Variants in STS observed in about 807,000 individuals in gnomAD.
STS encodes steroid sulfatase.
STS carries 7 observed loss-of-function variants against 26.8 expected under a neutral mutation model. That is an observed-to-expected ratio of 0.26 (90% CI 0.15 to 0.49). The LOEUF is 0.49. STS is among the 20% of genes least tolerant of loss of function. STS has a pLI of 0.98. For synonymous variants in STS, 199 were observed against 189.4 expected (o/e 1.05, Z -0.42); for missense variants, 434 against 465.6 (o/e 0.93, Z 0.63).
chrX:7,175,933 C>G (rs768197865), intron 1 of STS, among the ~76,000 whole-genome samples: 5 of 111,291 alleles, frequency 4.5e-5, no homozygotes, highest in African/African-American at 1.6e-4. Context: ...ATCCTTAGGA[C>G]TTTAACAATA....
intron 2 of STS, among the ~76,000 whole-genome samples, chrX:7,209,462 ATATT>A (rs1349862064): frequency 3.8e-5 from 4 of 105,684 alleles, no homozygotes; most frequent in Admixed American, 1.0e-4. Flanking sequence ...TTTTAAATAA[ATATT>A]TATTTAAATA....
At position 7,318,763 on chromosome X, in the gene STS, C is replaced by T. The variant is rs184136310; in HGVS notation, c.1082-6576C>T. 1.9e-4 allele frequency among the ~76,000 whole-genome samples: 21 copies of T among 110,909 alleles called. No individual in the cohort carries two copies. In the East Asian group the frequency reaches 5.7e-3, roughly 30 times the overall value. Reference sequence around the variant, plus strand: ...TACCATTCAGGTGGTCAGTAGGTGGCTAGATCTAGGGGCTACAGGCACAGC... The same window carrying T: ...TACCATTCAGGTGGTCAGTAGGTGGTTAGATCTAGGGGCTACAGGCACAGC... On this transcript the variant is annotated intron_variant, in intron 8 of 10. Coordinates refer to ENST00000674429, the MANE Select transcript of STS (RefSeq NM_001320752.2).
Position 7,231,834 on chromosome X carries a change from C to CTTT in STS, c.-4-21347_-4-21345dup, listed in dbSNP as rs35306364. On this transcript the variant is annotated intron_variant, in intron 2 of 10. Transcript: ENST00000674429. ...TTTCATACTCTCTCTAATAAATCTG[C>CTTT]TTTTTTTTTTTTTTTTTCTTAACCT... Among the ~76,000 whole-genome samples, 5 of 87,121 alleles carry CTTT rather than the reference C, an allele frequency of 5.7e-5. 1 individual carries two copies. Among genetic ancestry groups the CTTT allele is most frequent in the East Asian group, 3.6e-4 (1 of 2,798 alleles). 75.7% of individuals were successfully genotyped at this position (87,121 alleles called of 115,157 possible).
intron 1 of STS, among the ~76,000 whole-genome samples, chrX:7,152,565 C>T (rs756487281): frequency 3.6e-5 from 4 of 112,475 alleles, no homozygotes; most frequent in Admixed American, 9.4e-5. Flanking sequence ...GTAATCCGCC[C>T]GCCTTGGCCT....
rs146765550 is a variant in STS, at chrX:7,334,461, C to T, written c.1363+354C>T. ...TTCACTTCCTAGCACTCCTCTCACA[C>T]TGAAGAAAGCAGCCCCTGTGCTCTG... On this transcript the variant is annotated intron_variant, in intron 10 of 10. Coordinates refer to ENST00000674429, the MANE Select transcript of STS (RefSeq NM_001320752.2). Among the ~76,000 whole-genome samples the T allele has an allele frequency of 3.6e-5, 4 of 111,846 alleles. No homozygotes were observed. The Admixed American group carries it at 3.8e-4, about 11-fold the overall frequency.
chrX:7,276,402 T>C (rs1924539966), intron 7 of STS, among the ~76,000 whole-genome samples: 1 of 110,346 alleles, frequency 9.1e-6, no homozygotes, highest in Non-Finnish European at 1.9e-5. Context: ...ACCCAGGAGG[T>C]TGAGGCTGCA....
intron 2 of STS, among the ~76,000 whole-genome samples, chrX:7,227,707 G>C (rs770888939): frequency 4.9e-4 from 55 of 111,491 alleles, no homozygotes; most frequent in Non-Finnish European, 9.8e-4. Context: ...TTTAAAAAAT[G>C]TTTTTATTTG....
At chrX:7,243,994 G>A (rs1440214934) in intron 2 of STS, among the ~76,000 whole-genome samples, 1 of 111,035 alleles carries the variant, frequency 9.0e-6, no homozygotes, top group Non-Finnish European at 1.9e-5. Flanking sequence ...GCTTGAACCC[G>A]GGCGGCAGAG....
At chrX:7,160,912 C>G (rs1410188514) in intron 1 of STS, among the ~76,000 whole-genome samples, 1 of 111,770 alleles carries the variant, frequency 8.9e-6, no homozygotes, top group African/African-American at 3.2e-5. Flanking sequence ...ACGTAGATCT[C>G]TCAGTTTATC....
intron 7 of STS, among the ~76,000 whole-genome samples, chrX:7,301,114 T>G (rs765931037): frequency 9.0e-6 from 1 of 110,528 alleles, no homozygotes; most frequent in Non-Finnish European, 1.9e-5. Context: ...GAGTCAAAAC[T>G]GCATTTGAAA....
chrX:7,271,785 TA>T (rs1184216026), intron 6 of STS, among the ~76,000 whole-genome samples: 223 of 94,281 alleles, frequency 2.4e-3, no homozygotes, highest in East Asian at 4.2e-3. Context: ...CATATTCTTG[TA>T]AAAAAAAAAA....
chrX:7,292,108 C>T lies in STS; in HGVS notation c.944-12938C>T, dbSNP rs1222796809. ...ATTTTGTTTTGTTTACACAACTTGA[C>T]ATTTTGGTTTTGCGTAGTGCTGCCT... On this transcript the variant is annotated intron_variant, in intron 7 of 10. Coordinates refer to ENST00000674429, the MANE Select transcript of STS (RefSeq NM_001320752.2). Among the ~76,000 whole-genome samples the T allele has an allele frequency of 2.7e-5, 3 of 112,742 alleles. No homozygotes were observed. In the Admixed American group the frequency reaches 2.8e-4, roughly 11 times the overall value.
intron 10 of STS, among the ~76,000 whole-genome samples, chrX:7,336,240 C>CT (rs149079508): frequency 5.6e-5 from 1 of 17,715 alleles, no homozygotes; most frequent in Non-Finnish European, 1.7e-4. Flanking sequence ...CCTAGGACTG[C>CT]CCCCCCCACC....
At chrX:7,246,574 G>T (rs1182825747) in intron 2 of STS, among the ~76,000 whole-genome samples, 1 of 111,393 alleles carries the variant, frequency 9.0e-6, no homozygotes, top group Non-Finnish European at 1.9e-5. Flanking sequence ...CCAAAGTGCT[G>T]GGATTACAGG....
chrX:7,341,454 T>TGG (rs1928277203), intron 10 of STS, among the ~76,000 whole-genome samples: 1 of 111,669 alleles, frequency 9.0e-6, no homozygotes, highest in Non-Finnish European at 1.9e-5. Context: ...TGTTCTTTCC[T>TGG]GGGGGCCAAA....
In STS at chrX:7,289,328, G is replaced by A. The variant is rs1241586983; in HGVS notation, c.943+13241G>A. Among the ~76,000 whole-genome samples the A allele has an allele frequency of 2.7e-5, 3 of 111,659 alleles. No homozygotes were observed. In the Admixed American group the frequency reaches 2.9e-4, roughly 11 times the overall value. On this transcript the variant is annotated intron_variant, in intron 7 of 10. Transcript: ENST00000674429. ...CAGGCAGGGGCAAGGTTAGGGCTGG[G>A]AAAGTAGTTTGCACACAGGGGAGGG... is the stretch of plus-strand genomic sequence containing the variant.
intron 6 of STS, among the ~76,000 whole-genome samples, chrX:7,263,012 A>G (rs1189552313): frequency 2.7e-5 from 3 of 112,408 alleles, no homozygotes; most frequent in African/African-American, 9.7e-5. Context: ...TGGACCACGT[A>G]TATGACAGAA....
At position 7,219,573 on chromosome X, in the gene STS, A is replaced by T. The variant is rs968569884; in HGVS notation, c.-5+28565A>T. 2.6e-4 allele frequency: 312 copies of T among 1,207,417 alleles called. 2 individuals carry two copies. The highest frequency in any genetic ancestry group is 3.4e-4 in the Non-Finnish European group (307 of 894,471). ...GGTTTCTCATGGGAATATGCTTATT[A>T]AACTCCCACTGGTGCAGAAACCATG... On this transcript the variant is annotated intron_variant, in intron 2 of 10. Coordinates refer to ENST00000674429, the MANE Select transcript of STS (RefSeq NM_001320752.2).
chrX:7,299,860 C>T (rs1208007642), intron 7 of STS, among the ~76,000 whole-genome samples: 3 of 111,493 alleles, frequency 2.7e-5, no homozygotes, highest in Admixed American at 9.6e-5. Context: ...CAAACCAACT[C>T]GCTTAAGTCA....
Sources: allele counts gnomAD v4.1 joint callset (sites outside exome capture counted in the v4.1 genomes callset), GRCh38; gene constraint gnomAD v4.1.1; transcripts MANE v1.5; gene names NCBI Gene and HGNC (gene_info 2026-07-23, HGNC 2026-07-21).